The following PCSK6 variants were observed in gnomAD, a reference collection of about 807,000 sequenced individuals.
PCSK6 encodes paired basic amino acid cleaving enzyme 4.
A neutral mutation model predicts 123.3 loss-of-function variants in PCSK6; 85 were observed. The ratio of observed to expected loss-of-function variants is 0.69; its 90% CI spans 0.58 to 0.83. The LOEUF is 0.83. Ranked by LOEUF, PCSK6 falls within the 40% of genes least tolerant of loss-of-function variation. The pLI is 0.00. For missense variants in PCSK6, 1,191 were observed against 1,282.3 expected, an observed-to-expected ratio of 0.93 and a Z score of 1.09; for synonymous variants, 508 against 516.0, an observed-to-expected ratio of 0.98 and a Z score of 0.21.
chr15:101,369,648 C>T (rs2041515497), intron 12 of PCSK6, among the ~76,000 whole-genome samples: 1 of 152,252 alleles, frequency 6.6e-6, no homozygotes, highest in Non-Finnish European at 1.5e-5. Context: ...CTCTTAAGTT[C>T]CCATAAACAC....
intron 13 of PCSK6, chr15:101,346,356 T>C (rs1253497930): frequency 1.3e-5 from 2 of 152,504 alleles, no homozygotes; most frequent in African/African-American, 4.8e-5. Context: ...GGTGAAGTAT[T>C]ATAAAAATCT....
intron 1 of PCSK6, among the ~76,000 whole-genome samples, chr15:101,485,936 C>T (rs893010530): frequency 2.0e-5 from 3 of 151,502 alleles, no homozygotes; most frequent in Admixed American, 6.6e-5. Flanking sequence ...ATGAACACAA[C>T]GCATCTCTCC....
intron 15 of PCSK6, 64 bp from the exon 16 acceptor site, chr15:101,326,543 G>A (rs1430813417): frequency 7.8e-6 from 11 of 1,417,324 alleles, no homozygotes; most frequent in South Asian, 2.5e-5. Flanking sequence ...GCAGTCCCGC[G>A]GATCCCTGTG....
intron 8 of PCSK6, among the ~76,000 whole-genome samples, chr15:101,390,343 G>A (rs1373662306): frequency 1.9e-4 from 4 of 21,212 alleles, no homozygotes. Context: ...GGTGTGCTAG[G>A]TGGGATTGTC....
At chr15:101,475,004 C>T (rs1290503233) in intron 1 of PCSK6, among the ~76,000 whole-genome samples, 1 of 152,230 alleles carries the variant, frequency 6.6e-6, no homozygotes, top group African/African-American at 2.4e-5. Flanking sequence ...CACACCCCCA[C>T]TTCCCATTCC....
rs945095318 is a variant in PCSK6 at position 101,460,932 on chromosome 15, G to A, written c.298-17272C>T. ...GATGTGTGTAACCTGAGGTGTTCGT[G>A]GTAAGAGAAATGCTGAAAATTCATG... is the stretch of plus-strand genomic sequence containing the variant. On this transcript the variant is annotated intron_variant, in intron 1 of 21. Transcript: ENST00000611716. Among the ~76,000 whole-genome samples, 7 of 152,044 alleles carry A rather than the reference G, an allele frequency of 4.6e-5. No homozygotes were observed. The East Asian group carries it at 9.7e-4, about 21-fold the overall frequency.
intron 6 of PCSK6, among the ~76,000 whole-genome samples, chr15:101,400,545 G>A (rs564621868): frequency 8.5e-5 from 13 of 152,336 alleles, no homozygotes; most frequent in Middle Eastern, 3.4e-3. Flanking sequence ...AAAAGAGGTG[G>A]TGCAGGACTC....
chr15:101,323,736 A>AC (rs2040186511), intron 17 of PCSK6, among the ~76,000 whole-genome samples: 2 of 151,196 alleles, frequency 1.3e-5, no homozygotes, highest in South Asian at 2.1e-4. Context: ...ATCTCGAAAA[A>AC]AAAAAAAAAA....
intron 6 of PCSK6, among the ~76,000 whole-genome samples, chr15:101,422,623 CT>C (rs5815013): frequency 0.42 from 60,534 of 144,760 alleles, 12,765 homozygotes; most frequent in African/African-American, 0.57. Context: ...TAGAACGAAA[CT>C]TTTTTTTTTT....
chr15:101,323,533 C>T (rs1016386735), intron 17 of PCSK6, among the ~76,000 whole-genome samples: 2 of 152,152 alleles, frequency 1.3e-5, no homozygotes, highest in African/African-American at 4.8e-5. Context: ...GAGTTTCAGA[C>T]CAGCCTGACC....
chr15:101,346,806 T>C (rs2040742316), intron 13 of PCSK6: 1 of 1,231,228 alleles, frequency 8.1e-7, no homozygotes, highest in Non-Finnish European at 1.0e-6. Context: ...CTTTTTGTTA[T>C]GCTTTCTACT....
At chr15:101,306,202 G>T (rs2039719287) in intron 21 of PCSK6, among the ~76,000 whole-genome samples, 1 of 152,108 alleles carries the variant, frequency 6.6e-6, no homozygotes, top group Non-Finnish European at 1.5e-5. Context: ...AGGGGAAGAG[G>T]CCTTTGAGGA....
rs538777106 is a variant in PCSK6 at position 101,436,532 on chromosome 15, C to G, written c.403-4432G>C. On this transcript the variant is annotated intron_variant, in intron 2 of 21. Coordinates refer to ENST00000611716, the MANE Select transcript of PCSK6 (RefSeq NM_002570.5). ...CTGCAAGCCAGACCTGACTGTCCAC[C>G]AGGGCATATCAAGGGAGGGAGTCGG... Among the ~76,000 whole-genome samples, 4 of 152,348 alleles carry G rather than the reference C, an allele frequency of 2.6e-5. No individual in the cohort carries two copies. In the South Asian group the frequency reaches 6.2e-4, roughly 24 times the overall value.
intron 6 of PCSK6, among the ~76,000 whole-genome samples, chr15:101,426,010 G>T (rs749257113): frequency 1.3e-5 from 2 of 152,176 alleles, no homozygotes; most frequent in Non-Finnish European, 2.9e-5. Flanking sequence ...GACTCCGTAG[G>T]CCTGGGGTGG....
chr15:101,473,375 T>C (rs1322463636), intron 1 of PCSK6, among the ~76,000 whole-genome samples: 1 of 152,228 alleles, frequency 6.6e-6, no homozygotes, highest in Non-Finnish European at 1.5e-5. Flanking sequence ...CCCAAAGTGT[T>C]GGGATTACAA....
chr15:101,422,213 G>A (rs2056104952), intron 6 of PCSK6, among the ~76,000 whole-genome samples: 1 of 152,212 alleles, frequency 6.6e-6, no homozygotes, highest in Non-Finnish European at 1.5e-5. Context: ...TGTCAGAGCT[G>A]CTGGAAATTG....
At chr15:101,424,549 G>A (rs1298331501) in intron 6 of PCSK6, among the ~76,000 whole-genome samples, 1 of 152,212 alleles carries the variant, frequency 6.6e-6, no homozygotes, top group Non-Finnish European at 1.5e-5. Flanking sequence ...CCTGGCGACA[G>A]GCTGAAGATA....
At chr15:101,392,280 T>C (rs2141548317) in intron 8 of PCSK6, among the ~76,000 whole-genome samples, 1 of 152,272 alleles carries the variant, frequency 6.6e-6, no homozygotes, top group Non-Finnish European at 1.5e-5. Context: ...AATAACAAAT[T>C]AATACCTTAG....
chr15:101,325,135 G>C, intron 16 of PCSK6, 89 bp from the exon 17 acceptor site: 2 of 898,872 alleles, frequency 2.2e-6, no homozygotes, highest in East Asian at 2.6e-5. Context: ...GGAAACGAAG[G>C]CTTCAGGAGT....
Sources: allele counts gnomAD v4.1 joint callset (sites outside exome capture counted in the v4.1 genomes callset), GRCh38; gene constraint gnomAD v4.1.1; transcripts MANE v1.5; gene names NCBI Gene and HGNC (gene_info 2026-07-23, HGNC 2026-07-21).